CHRM3: variants seen among roughly 807,000 people sequenced by gnomAD.
CHRM3 encodes muscarinic acetylcholine receptor M3.
A neutral mutation model predicts 41.8 loss-of-function variants in CHRM3; 11 were observed. The observed-to-expected ratio is 0.26, with a 90% CI of 0.17 to 0.44. The LOEUF (loss-of-function observed/expected upper bound fraction) is 0.44. Ranked by LOEUF, CHRM3 falls within the 20% of genes least tolerant of loss-of-function variation. The pLI, the probability that CHRM3 is intolerant of heterozygous loss-of-function variation, is 1.00. For missense variants in CHRM3, 571 were observed against 745.4 expected, an observed-to-expected ratio of 0.77 and a Z score of 2.72; for synonymous variants, 297 against 301.4, an observed-to-expected ratio of 0.99 and a Z score of 0.15.
chr1:239,432,267 A>G (rs1662893633), intron 1 of CHRM3, among the ~76,000 whole-genome samples: 1 of 152,192 alleles, frequency 6.6e-6, no homozygotes, highest in Non-Finnish European at 1.5e-5. Context: ...ACATTTAAAA[A>G]TAATTCCTAG....
At chr1:239,859,401 T>TTG (rs1558185384) in intron 6 of CHRM3, among the ~76,000 whole-genome samples, 1 of 145,906 alleles carries the variant, frequency 6.9e-6, no homozygotes, top group Non-Finnish European at 1.5e-5. Context: ...GCCTGTTTTT[T>TTG]TTGTTGTTGT....
chr1:239,749,025 C>T (rs979298216), intron 5 of CHRM3, among the ~76,000 whole-genome samples: 4 of 152,112 alleles, frequency 2.6e-5, no homozygotes, highest in African/African-American at 9.7e-5. Flanking sequence ...GGGTCTGAGC[C>T]GTACGGTCAC....
intron 5 of CHRM3, among the ~76,000 whole-genome samples, chr1:239,709,012 G>A (rs1053530234): frequency 1.3e-5 from 2 of 151,688 alleles, no homozygotes; most frequent in Non-Finnish European, 2.9e-5. Flanking sequence ...CCCCTCCCCA[G>A]TTAGGAAAAA....
rs527991071 is a variant in CHRM3 at position 239,912,347 on chromosome 1, C to T, written c.*3123C>T. The T allele has an allele frequency of 6.6e-5, 11 of 167,354 alleles. No individual in the cohort carries two copies. The highest frequency in any genetic ancestry group is 2.2e-4 in the African/African-American group (9 of 41,576). 10.4% of individuals were successfully genotyped at this position (167,354 alleles called of 1,614,324 possible). A position where few individuals can be genotyped will look rare whatever the true frequency, so the allele number is the denominator to read the frequency against. On this transcript the variant is annotated 3_prime_UTR_variant, in exon 7 of 7. Coordinates refer to ENST00000676153, the MANE Select transcript of CHRM3 (RefSeq NM_001375978.1). ...TAGTCCTCCCTATTCTCCTAGTCAC[C>T]CTTTGCCTCTTAAGCCCAGCCTTGA...
intron 4 of CHRM3, among the ~76,000 whole-genome samples, chr1:239,665,681 C>A (rs1673718827): frequency 6.6e-6 from 1 of 152,038 alleles, no homozygotes; most frequent in Admixed American, 6.5e-5. Context: ...GCCCCTTGCC[C>A]CCCGACTGGC....
At chr1:239,472,492 A>C (rs1339506363) in intron 1 of CHRM3, among the ~76,000 whole-genome samples, 3 of 152,180 alleles carry the variant, frequency 2.0e-5, no homozygotes, top group Non-Finnish European at 2.9e-5. Flanking sequence ...TTCTGTTCCG[A>C]TGTGGCAAAC....
At chr1:239,724,032 C>T (rs1663214097) in intron 5 of CHRM3, among the ~76,000 whole-genome samples, 1 of 151,612 alleles carries the variant, frequency 6.6e-6, no homozygotes, top group Non-Finnish European at 1.5e-5. Flanking sequence ...CTGGTATTCT[C>T]AAATATGCTT....
At chr1:239,813,990 C>G (rs1355138724) in intron 5 of CHRM3, among the ~76,000 whole-genome samples, 1 of 150,938 alleles carries the variant, frequency 6.6e-6, no homozygotes, top group Non-Finnish European at 1.5e-5. Context: ...TATTTGCACC[C>G]AGATGTCACA....
chr1:239,639,348 C>T (rs1002255914), intron 4 of CHRM3, among the ~76,000 whole-genome samples: 1 of 152,152 alleles, frequency 6.6e-6, no homozygotes, highest in Non-Finnish European at 1.5e-5. Flanking sequence ...TATAAATTAC[C>T]TTGGACAGTA....
chr1:239,710,071 A>C (rs1661611671), intron 5 of CHRM3, among the ~76,000 whole-genome samples: 1 of 152,202 alleles, frequency 6.6e-6, no homozygotes, highest in Non-Finnish European at 1.5e-5. Context: ...TCGACCTTGA[A>C]AGCTAGTTAA....
At chr1:239,585,052 A>AATAT (rs71567251) in intron 3 of CHRM3, among the ~76,000 whole-genome samples, 5,466 of 144,698 alleles carry the variant, frequency 0.038, 161 homozygotes, top group Middle Eastern at 0.14. Flanking sequence ...GCAACAATTA[A>AATAT]ATATATATAT....
At chr1:239,525,396 G>A (rs1423897815) in intron 2 of CHRM3, among the ~76,000 whole-genome samples, 1 of 152,128 alleles carries the variant, frequency 6.6e-6, no homozygotes, top group Non-Finnish European at 1.5e-5. Flanking sequence ...TCATGTTGCT[G>A]TATCCTGATT....
At chr1:239,404,391 AGAAAGAAAG>A (rs1660307703) in intron 1 of CHRM3, among the ~76,000 whole-genome samples, 1 of 81,896 alleles carries the variant, frequency 1.2e-5, no homozygotes, top group Admixed American at 1.6e-4. Flanking sequence ...AAAGAAAGAA[AGAAAGAAAG>A]AAAGAAAGAA....
chr1:239,553,895 C>T (rs1039186617), intron 3 of CHRM3, among the ~76,000 whole-genome samples: 1 of 152,064 alleles, frequency 6.6e-6, no homozygotes, highest in Non-Finnish European at 1.5e-5. Context: ...GTGGTTTCCA[C>T]ATCTGTTTTT....
At chr1:239,639,217 T>TTTTGGC (rs1436671202) in intron 4 of CHRM3, among the ~76,000 whole-genome samples, 5 of 152,208 alleles carry the variant, frequency 3.3e-5, no homozygotes, top group Non-Finnish European at 7.3e-5. Context: ...AGCTTTGTTC[T>TTTTGGC]TTTGGCTTAG....
At chr1:239,566,800 A>G (rs1661402121) in intron 3 of CHRM3, among the ~76,000 whole-genome samples, 1 of 152,218 alleles carries the variant, frequency 6.6e-6, no homozygotes, top group Admixed American at 6.5e-5. Context: ...TGATGCAGAC[A>G]AAGTTGGCTT....
Position 239,404,317 on chromosome 1 carries a change from AAAGG to A in CHRM3, c.-521+17106_-521+17109del, listed in dbSNP as rs1289092333. 2.3e-3 allele frequency among the ~76,000 whole-genome samples: 336 copies of A among 145,380 alleles called. 2 individuals carry two copies. The highest frequency in any genetic ancestry group is 6.9e-3 in the African/African-American group (271 of 39,056). On this transcript the variant is annotated intron_variant, in intron 1 of 6. Coordinates refer to ENST00000676153, the MANE Select transcript of CHRM3 (RefSeq NM_001375978.1). ...AAAAAAGAAAGGAGAGAGAAGAAAGAAAGGAAGGAAGGAAGGAAGAAAGAAAGAG... is the reference window on the plus strand; with the variant it reads ...AAAAAAGAAAGGAGAGAGAAGAAAGAAAGGAAGGAAGGAAGAAAGAAAGAG...
intron 6 of CHRM3, among the ~76,000 whole-genome samples, chr1:239,833,716 G>A (rs1673072463): frequency 6.6e-6 from 1 of 152,154 alleles, no homozygotes; most frequent in Admixed American, 6.5e-5. Context: ...ATTCCCTGGT[G>A]GAGTCTGAAG....
intron 2 of CHRM3, among the ~76,000 whole-genome samples, chr1:239,510,488 A>G (rs74561973): frequency 0.013 from 1,964 of 152,058 alleles, 35 homozygotes; most frequent in South Asian, 0.038. Flanking sequence ...CTCTATCTTT[A>G]GTGGCATCAT....
Sources: allele counts gnomAD v4.1 joint callset (sites outside exome capture counted in the v4.1 genomes callset), GRCh38; gene constraint gnomAD v4.1.1; transcripts MANE v1.5; gene names NCBI Gene and HGNC (gene_info 2026-07-23, HGNC 2026-07-21).